Variants in UNC5A observed in about 807,000 individuals in gnomAD.
The protein encoded by UNC5A is netrin receptor UNC5A.
A neutral mutation model predicts 87.4 loss-of-function variants in UNC5A; 20 were observed. That is an observed-to-expected ratio of 0.23 (90% CI 0.16 to 0.33). UNC5A has a LOEUF of 0.33. UNC5A is among the 10% of genes least tolerant of loss of function. The pLI is 1.00. For synonymous variants in UNC5A, 438 were observed against 482.3 expected (o/e 0.91, Z 1.20); for missense variants, 844 against 1,133.4 (o/e 0.74, Z 3.67).
At position 176,824,792 on chromosome 5, in the gene UNC5A, C is replaced by T. The variant is rs1366199580; in HGVS notation, c.70+13972C>T. Among the ~76,000 whole-genome samples, 1 of 150,882 alleles carries T rather than the reference C, an allele frequency of 6.6e-6. No individual in the cohort carries two copies. The highest frequency in any genetic ancestry group is 1.5e-5 in the Non-Finnish European group (1 of 67,624). Reference sequence around the variant, plus strand: ...TGTGCACCCCCACCACCTGTGTGCCCCCTGCTCTGTGTACCCCCTACCTTG... The same window carrying T: ...TGTGCACCCCCACCACCTGTGTGCCTCCTGCTCTGTGTACCCCCTACCTTG... On this transcript the variant is annotated intron_variant, in intron 1 of 14. Transcript: ENST00000329542. This position sits in a 1 kb window ranked among gnomAD's most constrained non-coding sequence, Gnocchi z 4.2.
Position 176,869,374 on chromosome 5 carries a change from C to T in UNC5A, c.721+410C>T, listed in dbSNP as rs1020508902. On this transcript the variant is annotated intron_variant, in intron 5 of 14. Coordinates refer to ENST00000329542, the MANE Select transcript of UNC5A (RefSeq NM_133369.3). This position sits in a 1 kb window ranked among gnomAD's most constrained non-coding sequence, Gnocchi z 9.1. Reference sequence around the variant, plus strand: ...GTCTGGGCTGCAGGAGTGTGTGAGCCGCGGTTCAGCCTGGCTACCCCGAGT... The same window carrying T: ...GTCTGGGCTGCAGGAGTGTGTGAGCTGCGGTTCAGCCTGGCTACCCCGAGT... Among the ~76,000 whole-genome samples, 2 of 152,054 alleles carry T rather than the reference C, an allele frequency of 1.3e-5. No homozygotes were observed. The highest frequency in any genetic ancestry group is 2.4e-5 in the African/African-American group (1 of 41,400).
chr5:176,870,217 G>A (rs1362836975), intron 5 of UNC5A, among the ~76,000 whole-genome samples, 153 bp from the exon 6 acceptor site: 1 of 152,200 alleles, frequency 6.6e-6, no homozygotes, highest in African/African-American at 2.4e-5. Flanking sequence ...ACACTAGAGG[G>A]CGTGCATCGT....
Position 176,874,370 on chromosome 5 carries a change from C to T in UNC5A, c.1182C>T (p.Leu394=), listed in dbSNP as rs752003198. The T allele has an allele frequency of 1.2e-6, 2 of 1,613,844 alleles. No individual in the cohort carries two copies. Among genetic ancestry groups the T allele is most frequent in the Non-Finnish European group, 1.7e-6 (2 of 1,179,974 alleles). The change falls in exon 8 of 15, where the codon CTC becomes CTT. Residue 394 remains leucine, a synonymous_variant. Transcript: ENST00000329542. This position sits in a 1 kb window ranked among gnomAD's most constrained non-coding sequence, Gnocchi z 7.6. ...RQDGPSPKFQ[L]TNGHLLSPLG... Reference sequence around the variant, plus strand: ...ATGGGCCCAGCCCCAAGTTCCAGCTCACCAATGGGCACCTGCTCAGCCCCC... The same window carrying T: ...ATGGGCCCAGCCCCAAGTTCCAGCTTACCAATGGGCACCTGCTCAGCCCCC...
intron 1 of UNC5A, among the ~76,000 whole-genome samples, chr5:176,855,607 A>C (rs1581264041): frequency 6.6e-6 from 1 of 152,302 alleles, no homozygotes; most frequent in Non-Finnish European, 1.5e-5. Context: ...CGTGGCGAAG[A>C]CGCCGCCGGT....
rs767912778 is a variant in UNC5A at position 176,865,631 on chromosome 5, G to T, written c.293-2499G>T. ...CGAGTGCTTTGAGGTGAAGAAAAAG[G>T]CTTTCCTTACCCACGGCAGATACCA... On this transcript the variant is annotated intron_variant, in intron 2 of 14. Transcript: ENST00000329542. This position sits in a 1 kb window ranked among gnomAD's most constrained non-coding sequence, Gnocchi z 5.3. The T allele has an allele frequency of 4.4e-6, 2 of 456,774 alleles. No homozygotes were observed. Among genetic ancestry groups the T allele is most frequent in the South Asian group, 3.1e-5 (2 of 64,576 alleles). 28.3% of individuals were successfully genotyped at this position (456,774 alleles called of 1,614,324 possible). A position where few individuals can be genotyped will look rare whatever the true frequency, so the allele number is the denominator to read the frequency against.
intron 1 of UNC5A, among the ~76,000 whole-genome samples, chr5:176,836,108 A>T (rs528410687): frequency 2.0e-5 from 3 of 152,352 alleles, no homozygotes; most frequent in East Asian, 3.9e-4. Context: ...TTATCTAGAA[A>T]GGCAGTGAGC....
chr5:176,877,418 C>A, intron 9 of UNC5A, 117 bp from the exon 10 acceptor site: 1 of 1,369,302 alleles, frequency 7.3e-7, no homozygotes, highest in Non-Finnish European at 1.0e-6. Flanking sequence ...CCCACGTGGT[C>A]CTGCAGCCCA....
At chr5:176,859,130 A>AATG (rs1334522023) in intron 1 of UNC5A, among the ~76,000 whole-genome samples, 1,582 of 112,540 alleles carry the variant, frequency 0.014, 177 homozygotes, top group African/African-American at 0.063. Flanking sequence ...TGGCTGCTAG[A>AATG]ATGCCCTTGC....
At chr5:176,834,249 C>T (rs147465468) in intron 1 of UNC5A, among the ~76,000 whole-genome samples, 1 of 152,286 alleles carries the variant, frequency 6.6e-6, no homozygotes, top group East Asian at 1.9e-4. Flanking sequence ...TGAGACAGGG[C>T]CCCCTGCCCG....
chr5:176,849,509 A>T (rs936370631), intron 1 of UNC5A, among the ~76,000 whole-genome samples: 4 of 152,174 alleles, frequency 2.6e-5, no homozygotes, highest in Non-Finnish European at 4.4e-5. Flanking sequence ...CCCTTCAACC[A>T]GGGAAGTGGA....
In UNC5A at chr5:176,879,494, C is replaced by T. The variant is rs563813382; in HGVS notation, c.2363+6C>T. On this transcript the variant is annotated splice_donor_region_variant and intron_variant, in intron 14 of 14. Transcript: ENST00000329542. ...CAGAAACTCCACCTGGACAGGTGGG[C>T]GGGAGAGGGGCAGAGAGGGCCTGCG... 29 of 1,597,952 alleles carry T rather than the reference C, an allele frequency of 1.8e-5. No homozygotes were observed. In the East Asian group the frequency reaches 3.4e-4, roughly 19 times the overall value.
rs563903860 is a variant in UNC5A at position 176,843,393 on chromosome 5, G to A, written c.71-19231G>A. ...ACTCCATTCTGCATGATCCCATTGC[G>A]GTGACATTCTAGAAATGGCAAAACG... On this transcript the variant is annotated intron_variant, in intron 1 of 14. Coordinates refer to ENST00000329542, the MANE Select transcript of UNC5A (RefSeq NM_133369.3). 3.2e-4 allele frequency among the ~76,000 whole-genome samples: 48 copies of A among 152,068 alleles called. No individual in the cohort carries two copies. In the East Asian group the frequency reaches 6.0e-3, roughly 19 times the overall value.
At chr5:176,868,707 C>A (rs1055460588) in intron 4 of UNC5A, 43 bp downstream of exon 4, 1 of 1,588,762 alleles carries the variant, frequency 6.3e-7, no homozygotes, top group Admixed American at 1.7e-5. Flanking sequence ...TGGGCTCCTG[C>A]CTGGTCACCC....
In UNC5A at chr5:176,879,478, C is replaced by G. The variant is rs1488055346; in HGVS notation, c.2353C>G (p.His785Asp). 2 of 1,608,236 alleles carry G rather than the reference C, an allele frequency of 1.2e-6. No individual in the cohort carries two copies. Among genetic ancestry groups the G allele is most frequent in the Admixed American group, 3.4e-5 (2 of 59,504 alleles). The change falls in exon 14 of 15, where the codon CAC (histidine) becomes GAC (aspartate). Residue 785 changes from histidine (H) to aspartate (D), a missense_variant. His to Asp is a moderately conservative substitution (Grantham distance 81, BLOSUM62 -1). Coordinates refer to ENST00000329542, the MANE Select transcript of UNC5A (RefSeq NM_133369.3). ...CTGGCGGACTCTGGCCCAGAAACTC[C>G]ACCTGGACAGGTGGGCGGGAGAGGG... The part of the protein sequence containing the change: ...ADWRTLAQKL[H>D]LDSHLSFFAS...
intron 1 of UNC5A, among the ~76,000 whole-genome samples, chr5:176,833,690 C>T (rs990029113): frequency 2.6e-5 from 4 of 151,876 alleles, no homozygotes; most frequent in African/African-American, 9.7e-5. Flanking sequence ...GTCACACAGC[C>T]TCTTTTTTTA....
intron 6 of UNC5A, among the ~76,000 whole-genome samples, chr5:176,872,177 GC>G (rs1486427555): frequency 2.6e-5 from 1 of 37,792 alleles, no homozygotes; most frequent in Non-Finnish European, 4.8e-5. Flanking sequence ...GCCCACACTC[GC>G]CCCACACCAC....
intron 1 of UNC5A, among the ~76,000 whole-genome samples, chr5:176,825,965 A>G (rs1756842354): frequency 1.3e-5 from 2 of 152,258 alleles, no homozygotes; most frequent in African/African-American, 4.8e-5. Flanking sequence ...CCAGTGAGAC[A>G]GGACAGTCCT....
Position 176,879,967 on chromosome 5 carries a change from C to G in UNC5A, c.*81C>G, listed in dbSNP as rs1056958815. On this transcript the variant is annotated 3_prime_UTR_variant, in exon 15 of 15. Transcript: ENST00000329542. ...GGCAGAAGCCGGACAGGGGCCCTTC[C>G]CCACACCGGGGAGAGCTGCTCGGAC... The G allele has an allele frequency of 6.7e-6, 10 of 1,499,206 alleles. No homozygotes were observed. The highest frequency in any genetic ancestry group is 8.0e-6 in the Non-Finnish European group (9 of 1,121,156). The allele number at this position is 1,499,206 out of a possible 1,614,324, so 92.9% of individuals were successfully genotyped here. A position where few individuals can be genotyped will look rare whatever the true frequency, so the allele number is the denominator to read the frequency against.
At chr5:176,831,881 CTCTCTTTTTTTT>C (rs1251994845) in intron 1 of UNC5A, among the ~76,000 whole-genome samples, 38 of 31,328 alleles carry the variant, frequency 1.2e-3, no homozygotes, top group African/African-American at 1.8e-3. Context: ...CACTTTCTCT[CTCTCTTTTTTTT>C]TTTTTTTTTT....
Sources: allele counts gnomAD v4.1 joint callset (sites outside exome capture counted in the v4.1 genomes callset), GRCh38; gene constraint gnomAD v4.1.1; non-coding constraint Gnocchi (gnomAD v3.1); transcripts MANE v1.5; gene names NCBI Gene and HGNC (gene_info 2026-07-23, HGNC 2026-07-21).